TRIO: variants seen among roughly 807,000 people sequenced by gnomAD.
TRIO encodes the protein triple functional domain protein.
TRIO carries 58 observed loss-of-function variants against 351.9 expected under a neutral mutation model. The ratio of observed to expected loss-of-function variants is 0.16; its 90% CI spans 0.13 to 0.21. The LOEUF (loss-of-function observed/expected upper bound fraction) is 0.21, where lower values mean the gene tolerates loss of function less well. Ranked by LOEUF, TRIO falls within the 10% of genes least tolerant of loss-of-function variation. The pLI, the probability that TRIO is intolerant of heterozygous loss-of-function variation, is 1.00. For missense variants in TRIO, 3,201 were observed against 4,027.8 expected (o/e 0.79, Z 5.56); for synonymous variants, 1,758 against 1,595.7 (o/e 1.10, Z -2.42).
At chr5:14,485,043 A>T in intron 46 of TRIO, 26 bp from the exon 47 acceptor site, 1 of 1,520,062 alleles carries the variant, frequency 6.6e-7, no homozygotes, top group Non-Finnish European at 8.9e-7. Flanking sequence ...GTTAGCTATT[A>T]TGAATAATGT....
At chr5:14,246,729 G>C (rs912525593) in intron 1 of TRIO, among the ~76,000 whole-genome samples, 1 of 152,200 alleles carries the variant, frequency 6.6e-6, no homozygotes, top group Non-Finnish European at 1.5e-5. Flanking sequence ...CTAGGGACAA[G>C]GAAGAAGGAA....
Position 14,488,011 on chromosome 5 carries a change from C to G in TRIO, c.7383C>G (p.Leu2461=). The change falls in exon 48 of 57, where the codon CTC becomes CTG. Residue 2461 remains leucine, a synonymous_variant. Coordinates refer to ENST00000344204, the MANE Select transcript of TRIO (RefSeq NM_007118.4). ...CCGCTTCGCCGCTGAACTCGCCGCT[C>G]TCCAGCGCGGTCCCTTCTCTCGGCA... ...AGAASPLNSP[L]SSAVPSLGKE... 6.3e-7 allele frequency: 1 copy of G among 1,586,340 alleles called. No homozygotes were observed.
At position 14,143,712 on chromosome 5, in the gene TRIO, G is replaced by GCGC; in HGVS notation, c.-7_-5dup. 1.0e-6 allele frequency: 1 copy of GCGC among 974,640 alleles called. No homozygotes were observed. The highest frequency in any genetic ancestry group is 1.2e-6 in the Non-Finnish European group (1 of 823,978). The allele number at this position is 974,640 out of a possible 1,614,324, so 60.4% of individuals were successfully genotyped here. A position where few individuals can be genotyped will look rare whatever the true frequency, so the allele number is the denominator to read the frequency against. ...GGGCCCGAGGCGGGCGCGGCCGCGG[G>GCGC]CGCCGCCGCAGCCATGAGCGGCAGC... On this transcript the variant is annotated 5_prime_UTR_variant, in exon 1 of 57. Coordinates refer to ENST00000344204, the MANE Select transcript of TRIO (RefSeq NM_007118.4).
intron 34 of TRIO, among the ~76,000 whole-genome samples, chr5:14,447,077 A>G (rs982309179): frequency 5.3e-5 from 8 of 152,136 alleles, no homozygotes; most frequent in Admixed American, 5.2e-4. Context: ...CTAAAATACA[A>G]AAATATTAGT....
intron 53 of TRIO, among the ~76,000 whole-genome samples, chr5:14,502,113 C>G (rs1384650080): frequency 2.0e-5 from 3 of 152,268 alleles, no homozygotes; most frequent in African/African-American, 4.8e-5. Context: ...CTCTTGATCT[C>G]TCACGGCTGT....
chr5:14,395,941 G>C (rs1242830319), intron 28 of TRIO, among the ~76,000 whole-genome samples: 3 of 151,464 alleles, frequency 2.0e-5, no homozygotes, highest in Non-Finnish European at 4.4e-5. Flanking sequence ...AGCTGCTCCG[G>C]AGGCTGAGGC....
intron 8 of TRIO, among the ~76,000 whole-genome samples, chr5:14,310,385 C>T (rs1350383988): frequency 1.3e-5 from 2 of 152,236 alleles, no homozygotes; most frequent in Non-Finnish European, 2.9e-5. Context: ...TGCCATGGGG[C>T]GTTGGCCTGC....
chr5:14,443,506 A>C (rs1489026332), intron 34 of TRIO, among the ~76,000 whole-genome samples: 1 of 152,354 alleles, frequency 6.6e-6, no homozygotes, highest in East Asian at 1.9e-4. Context: ...TCTGGGTAAT[A>C]TCCAAGAAAT....
intron 1 of TRIO, among the ~76,000 whole-genome samples, chr5:14,270,344 G>A (rs999164040): frequency 6.6e-6 from 1 of 152,126 alleles, no homozygotes; most frequent in African/African-American, 2.4e-5. Context: ...CCCTCTCTCC[G>A]CCTTGCCACT....
chr5:14,310,675 C>T (rs377075526), intron 8 of TRIO, among the ~76,000 whole-genome samples: 4 of 152,316 alleles, frequency 2.6e-5, no homozygotes, highest in African/African-American at 7.2e-5. Flanking sequence ...AGCTCAGTTC[C>T]CTTGCGGTAG....
At chr5:14,348,387 T>C (rs1236856888) in intron 11 of TRIO, among the ~76,000 whole-genome samples, 1 of 152,266 alleles carries the variant, frequency 6.6e-6, no homozygotes, top group Non-Finnish European at 1.5e-5. Flanking sequence ...TGCTTATGTT[T>C]AATTTTCAGT....
chr5:14,498,215 C>T lies in TRIO; in HGVS notation c.8174C>T (p.Thr2725Ile), dbSNP rs576174268. The T allele has an allele frequency of 1.1e-4, 182 of 1,614,242 alleles. No individual in the cohort carries two copies. The South Asian group carries it at 1.9e-3, about 17-fold the overall frequency. The change falls in exon 52 of 57, where the codon ACC (threonine) becomes ATC (isoleucine). Residue 2725 changes from threonine (T) to isoleucine (I), a missense_variant. Around this residue, in one of 19 missense-constraint regions of TRIO, gnomAD observed 1,089 missense variants for 954.9 expected, o/e 1.14. Transcript: ENST00000344204. ...SITWKGPEHN[T>I]LNNDGHYSIS... is the part of the protein sequence containing the mutation. ...ACCTGGAAGGGCCCTGAACACAACA[C>T]CTTGAACAACGATGGTCACTACAGC... is the stretch of plus-strand genomic sequence containing the variant.
chr5:14,159,909 A>G (rs1788351888), intron 1 of TRIO, among the ~76,000 whole-genome samples: 1 of 152,240 alleles, frequency 6.6e-6, no homozygotes, highest in Non-Finnish European at 1.5e-5. Flanking sequence ...GCTCACCAGC[A>G]TATAGACCGA....
chr5:14,288,665 T>C (rs1343961881), intron 4 of TRIO, among the ~76,000 whole-genome samples: 1 of 88,254 alleles, frequency 1.1e-5, no homozygotes, highest in Non-Finnish European at 2.6e-5. Context: ...AGATTCCGCC[T>C]CAAAAAAAAA....
At chr5:14,255,487 C>T (rs969488206) in intron 1 of TRIO, among the ~76,000 whole-genome samples, 5 of 152,214 alleles carry the variant, frequency 3.3e-5, no homozygotes, top group Non-Finnish European at 7.3e-5. Context: ...GCACGCACAT[C>T]AATGTAGATG....
intron 1 of TRIO, among the ~76,000 whole-genome samples, chr5:14,207,006 A>T (rs1289648502): frequency 6.6e-6 from 1 of 152,126 alleles, no homozygotes; most frequent in African/African-American, 2.4e-5. Flanking sequence ...TATAAAACTT[A>T]GGAGAGAATC....
Position 14,161,149 on chromosome 5 carries a change from T to TA in TRIO, c.157+17268dup, listed in dbSNP as rs542655735. Among the ~76,000 whole-genome samples the TA allele has an allele frequency of 1.7e-3, 259 of 152,278 alleles. 1 individual carries two copies. Among genetic ancestry groups the TA allele is most frequent in the Middle Eastern group, 0.014 (4 of 294 alleles). ...GTCTTGAACTCCTGACCTCCAGTGA[T>TA]ACACCTTGGCCTCCCAAAGTGCTGG... On this transcript the variant is annotated intron_variant, in intron 1 of 56. Transcript: ENST00000344204.
chr5:14,509,688 A>G lies in TRIO; in HGVS notation c.*1266A>G. 1 of 325,346 alleles carries G rather than the reference A, an allele frequency of 3.1e-6. No homozygotes were observed. Among genetic ancestry groups the G allele is most frequent in the South Asian group, 2.4e-5 (1 of 41,910 alleles). 20.2% of individuals were successfully genotyped at this position (325,346 alleles called of 1,614,324 possible). A position where few individuals can be genotyped will look rare whatever the true frequency, so the allele number is the denominator to read the frequency against. On this transcript the variant is annotated 3_prime_UTR_variant, in exon 57 of 57. Coordinates refer to ENST00000344204, the MANE Select transcript of TRIO (RefSeq NM_007118.4). ...GGTAAGAAATAAAAGCCGATTAAGC[A>G]CTGGCCGCCCCGCGGCTGGTACCCA... is the stretch of plus-strand genomic sequence containing the variant.
At chr5:14,275,748 G>A (rs1735439262) in intron 2 of TRIO, among the ~76,000 whole-genome samples, 1 of 150,616 alleles carries the variant, frequency 6.6e-6, no homozygotes, top group Non-Finnish European at 1.5e-5. Context: ...TCAGTATATA[G>A]CAGCACATAA....
Sources: allele counts gnomAD v4.1 joint callset (sites outside exome capture counted in the v4.1 genomes callset), GRCh38; gene constraint gnomAD v4.1.1; regional missense constraint gnomAD v4.1.1; transcripts MANE v1.5; gene names NCBI Gene and HGNC (gene_info 2026-07-23, HGNC 2026-07-21).